The following TMEM164 variants were observed in gnomAD, a reference collection of about 807,000 sequenced individuals.
TMEM164 encodes the protein transmembrane protein 164.
A neutral mutation model predicts 18.8 loss-of-function variants in TMEM164; 4 were observed. The ratio of observed to expected loss-of-function variants is 0.21; its 90% CI spans 0.10 to 0.49. TMEM164 has a LOEUF of 0.49. TMEM164 is among the 20% of genes least tolerant of loss of function. The pLI, the probability that TMEM164 is intolerant of heterozygous loss-of-function variation, is 0.98. For synonymous variants in TMEM164, 86 were observed against 101.7 expected, an observed-to-expected ratio of 0.85 and a Z score of 0.93; for missense variants, 108 against 239.9, an observed-to-expected ratio of 0.45 and a Z score of 3.63.
At chrX:110,146,897 G>A (rs561633233) in intron 5 of TMEM164, among the ~76,000 whole-genome samples, 6 of 112,484 alleles carry the variant, frequency 5.3e-5, no homozygotes, top group African/African-American at 9.7e-5. Context: ...CAAGAAAGCC[G>A]AGAGTCTGGG....
At chrX:110,141,918 C>A (rs1194277777) in intron 4 of TMEM164, among the ~76,000 whole-genome samples, 1 of 111,757 alleles carries the variant, frequency 8.9e-6, no homozygotes. Flanking sequence ...TCTTTCCCTC[C>A]CCTGGCTTTG....
intron 3 of TMEM164, among the ~76,000 whole-genome samples, chrX:110,080,715 CACA>C (rs754152634): frequency 2.7e-5 from 3 of 111,155 alleles, no homozygotes; most frequent in Admixed American, 9.6e-5. Flanking sequence ...TTTTATAATA[CACA>C]ACATTTTTTT....
chrX:110,081,986 T>A (rs1364658118), intron 3 of TMEM164: 1 of 112,644 alleles, frequency 8.9e-6, no homozygotes, highest in African/African-American at 3.2e-5. Context: ...GTTCCCATGG[T>A]ACACTTGACA....
chrX:110,141,754 A>G (rs1255789818), intron 4 of TMEM164, among the ~76,000 whole-genome samples: 2 of 112,526 alleles, frequency 1.8e-5, no homozygotes, highest in South Asian at 3.7e-4. Flanking sequence ...GTACTTAAAT[A>G]TGATTTGCTA....
chrX:110,054,438 G>T (rs1466198816), intron 2 of TMEM164, among the ~76,000 whole-genome samples: 4 of 112,374 alleles, frequency 3.6e-5, no homozygotes, highest in African/African-American at 1.3e-4. Context: ...AGAGGAGACA[G>T]AAGAAGTGGA....
At position 110,090,647 on chromosome X, in the gene TMEM164, G is replaced by A. The variant is rs144027228; in HGVS notation, c.441-18433G>A. On this transcript the variant is annotated intron_variant, in intron 3 of 6. Coordinates refer to ENST00000372068, the MANE Select transcript of TMEM164 (RefSeq NM_032227.4). ...TTTTAAACATACGGAAAAGTGAATAGCGCAGTACATAGAATACTTGTATAG... is the reference window on the plus strand; with the variant it reads ...TTTTAAACATACGGAAAAGTGAATAACGCAGTACATAGAATACTTGTATAG... Among the ~76,000 whole-genome samples the A allele has an allele frequency of 1.7e-4, 19 of 111,648 alleles. No homozygotes were observed. The Middle Eastern group carries it at 0.014, about 82-fold the overall frequency.
At chrX:110,109,055 G>A (rs1385703503) in intron 3 of TMEM164, 25 bp from the exon 4 acceptor site, 2 of 1,201,515 alleles carry the variant, frequency 1.7e-6, no homozygotes, top group South Asian at 1.8e-5. Context: ...AGTATGACCT[G>A]AACTTTATCT....
chrX:110,131,099 AG>A (rs1569342756), intron 4 of TMEM164, among the ~76,000 whole-genome samples: 3 of 111,873 alleles, frequency 2.7e-5, no homozygotes, highest in Non-Finnish European at 5.6e-5. Context: ...GGGGATTGTT[AG>A]GGGGAGATGT....
Position 110,175,035 on chromosome X carries a change from A to G in TMEM164, c.*1584A>G, listed in dbSNP as rs1361702027. On this transcript the variant is annotated 3_prime_UTR_variant, in exon 7 of 7. Transcript: ENST00000372068. ...CGTCCTTCTGCAGAGGCCTGCGGGC[A>G]TTGAGGCTATCAATCCCCAGGGCTT... The G allele has an allele frequency of 8.9e-6, 1 of 112,307 alleles. No homozygotes were observed. Among genetic ancestry groups the G allele is most frequent in the Non-Finnish European group, 1.9e-5 (1 of 53,198 alleles). The allele number at this position is 112,307 out of a possible 1,213,427, so 9.3% of individuals were successfully genotyped here.
chrX:110,145,051 C>A (rs973819935), intron 5 of TMEM164, among the ~76,000 whole-genome samples, 175 bp downstream of exon 5: 16 of 110,904 alleles, frequency 1.4e-4, no homozygotes, highest in African/African-American at 5.3e-4. Flanking sequence ...ATGGACGAGG[C>A]CTGCAAGGGG....
intron 3 of TMEM164, among the ~76,000 whole-genome samples, chrX:110,074,995 A>C (rs2065650135): frequency 8.9e-6 from 1 of 111,887 alleles, no homozygotes; most frequent in African/African-American, 3.2e-5. Flanking sequence ...TTCTGTGAAG[A>C]ATGACTTTGG....
chrX:110,091,440 G>A (rs2065927807), intron 3 of TMEM164, among the ~76,000 whole-genome samples: 1 of 112,007 alleles, frequency 8.9e-6, no homozygotes, highest in African/African-American at 3.3e-5. Flanking sequence ...GTTTTGATTT[G>A]CATTTCTCTG....
At chrX:110,030,811 A>C (rs1223919889) in intron 2 of TMEM164, among the ~76,000 whole-genome samples, 2 of 22,436 alleles carry the variant, frequency 8.9e-5, no homozygotes, top group Non-Finnish European at 2.4e-4. Context: ...ACTCTGTCTC[A>C]AAAAAAAAAA....
chrX:110,016,614 T>A (rs1933386331), intron 2 of TMEM164, among the ~76,000 whole-genome samples: 1 of 112,045 alleles, frequency 8.9e-6, no homozygotes. Context: ...GCCTGTGTAT[T>A]ACCTCATTTG....
intron 5 of TMEM164, among the ~76,000 whole-genome samples, chrX:110,146,887 C>A (rs1409172737): frequency 8.9e-6 from 1 of 112,318 alleles, no homozygotes; most frequent in Non-Finnish European, 1.9e-5. Context: ...TTCTGTAAAC[C>A]AAGAAAGCCG....
At chrX:110,053,204 A>G (rs925932790) in intron 2 of TMEM164, among the ~76,000 whole-genome samples, 3 of 111,648 alleles carry the variant, frequency 2.7e-5, no homozygotes, top group Non-Finnish European at 3.8e-5. Context: ...CTTCTTTCCC[A>G]CCAAAATTTT....
At chrX:110,118,286 T>C (rs898886046) in intron 4 of TMEM164, among the ~76,000 whole-genome samples, 2 of 112,278 alleles carry the variant, frequency 1.8e-5, no homozygotes, top group African/African-American at 6.5e-5. Flanking sequence ...ACTCTTTTCA[T>C]CCATAGTTTG....
chrX:110,026,688 T>TA (rs1199869456), intron 2 of TMEM164, among the ~76,000 whole-genome samples: 1 of 112,172 alleles, frequency 8.9e-6, no homozygotes, highest in East Asian at 2.8e-4. Flanking sequence ...GCAGAGCAAC[T>TA]AAATAGCTTG....
At chrX:110,015,491 C>T (rs373701521) in intron 2 of TMEM164, among the ~76,000 whole-genome samples, 1 of 111,284 alleles carries the variant, frequency 9.0e-6, no homozygotes, top group East Asian at 2.8e-4. Context: ...CATATCAGCA[C>T]TTGTTCATTG....
Sources: allele counts gnomAD v4.1 joint callset (sites outside exome capture counted in the v4.1 genomes callset), GRCh38; gene constraint gnomAD v4.1.1; transcripts MANE v1.5; gene names NCBI Gene and HGNC (gene_info 2026-07-23, HGNC 2026-07-21).